Variants in NDST4 observed in about 807,000 individuals in gnomAD.
NDST4 encodes N-deacetylase and N-sulfotransferase 4.
NDST4 carries 63 observed loss-of-function variants against 100.8 expected under a neutral mutation model. The observed-to-expected ratio is 0.62, with a 90% CI of 0.51 to 0.77. The LOEUF (loss-of-function observed/expected upper bound fraction) is 0.77, where lower values mean the gene tolerates loss of function less well. NDST4 is among the 30% of genes least tolerant of loss of function. The pLI, the probability that NDST4 is intolerant of heterozygous loss-of-function variation, is 0.00. For synonymous variants in NDST4, 377 were observed against 361.8 expected (o/e 1.04, Z -0.48); for missense variants, 943 against 1,018.4 (o/e 0.93, Z 1.01).
intron 2 of NDST4, among the ~76,000 whole-genome samples, chr4:115,039,102 G>A (rs1053860593): frequency 2.6e-5 from 4 of 152,088 alleles, no homozygotes; most frequent in East Asian, 3.8e-4. Flanking sequence ...AAAACAATCC[G>A]GTGAGCAGGC....
chr4:114,881,722 G>T (rs977141524), intron 6 of NDST4, among the ~76,000 whole-genome samples: 1 of 152,046 alleles, frequency 6.6e-6, no homozygotes, highest in Non-Finnish European at 1.5e-5. Context: ...AAGTGCAGTG[G>T]CATAAGAGAC....
intron 4 of NDST4, among the ~76,000 whole-genome samples, chr4:114,964,074 ATCTG>A (rs1404584566): frequency 6.6e-6 from 1 of 152,130 alleles, no homozygotes; most frequent in African/African-American, 2.4e-5. Flanking sequence ...CTCTGAATCA[ATCTG>A]TCTCTTTTTC....
chr4:115,051,285 AT>A lies in NDST4; in HGVS notation c.978+24773del, dbSNP rs913397703. 1.3e-5 allele frequency among the ~76,000 whole-genome samples: 2 copies of A among 151,924 alleles called. 1 individual carries two copies. Among genetic ancestry groups the A allele is most frequent in the East Asian group, 3.9e-4 (2 of 5,164 alleles). On this transcript the variant is annotated intron_variant, in intron 2 of 13. Transcript: ENST00000264363. Reference sequence around the variant, plus strand: ...AAGGATAAACATCTGTAAATTTTACATTTTTTTATTTTGTTTTTTTTTATAG... The same window carrying A: ...AAGGATAAACATCTGTAAATTTTACATTTTTTATTTTGTTTTTTTTTATAG...
chr4:114,884,521 T>C (rs1724437416), intron 6 of NDST4, among the ~76,000 whole-genome samples: 1 of 152,154 alleles, frequency 6.6e-6, no homozygotes, highest in African/African-American at 2.4e-5. Flanking sequence ...CATGTTCTGA[T>C]AGTAGTTCTT....
chr4:114,926,144 T>A (rs1439435570), intron 6 of NDST4, among the ~76,000 whole-genome samples: 1 of 152,090 alleles, frequency 6.6e-6, no homozygotes, highest in Non-Finnish European at 1.5e-5. Context: ...ATGTTAGTAT[T>A]TGACAAGTGT....
intron 2 of NDST4, among the ~76,000 whole-genome samples, chr4:115,023,362 G>C (rs1160723851): frequency 6.6e-6 from 1 of 151,906 alleles, no homozygotes; most frequent in Non-Finnish European, 1.5e-5. Flanking sequence ...ATGCATGCCT[G>C]TAATCCCAGC....
intron 8 of NDST4, among the ~76,000 whole-genome samples, chr4:114,852,353 C>A (rs576746092): frequency 1.3e-5 from 2 of 151,972 alleles, no homozygotes; most frequent in Non-Finnish European, 2.9e-5. Context: ...TAGTTTGAAT[C>A]GGGCCAAAAC....
At chr4:115,023,579 AG>A (rs1450556993) in intron 2 of NDST4, among the ~76,000 whole-genome samples, 1 of 152,040 alleles carries the variant, frequency 6.6e-6, no homozygotes, top group African/African-American at 2.4e-5. Flanking sequence ...AATCACATAC[AG>A]TAAGATGCAA....
At chr4:115,102,812 G>A (rs1432148028) in intron 1 of NDST4, among the ~76,000 whole-genome samples, 2 of 142,854 alleles carry the variant, frequency 1.4e-5, no homozygotes, top group Admixed American at 7.5e-5. Flanking sequence ...GGGTTCAAGC[G>A]ATTCTTTTGC....
At chr4:115,007,619 G>A (rs1359625844) in intron 2 of NDST4, among the ~76,000 whole-genome samples, 1 of 67,394 alleles carries the variant, frequency 1.5e-5, no homozygotes, top group Non-Finnish European at 3.1e-5. Context: ...AGAGATAGAA[G>A]GACTGATGGA....
At chr4:115,041,743 C>CT (rs11418590) in intron 2 of NDST4, among the ~76,000 whole-genome samples, 14,291 of 152,040 alleles carry the variant, frequency 0.094, 2,059 homozygotes, top group African/African-American at 0.31. Context: ...CCTGACACAT[C>CT]ACATTACATA....
intron 4 of NDST4, among the ~76,000 whole-genome samples, chr4:114,947,683 T>C (rs992855536): frequency 2.0e-5 from 3 of 148,162 alleles, no homozygotes; most frequent in Non-Finnish European, 4.4e-5. Context: ...AAGAAGGTAC[T>C]TAAAATAATT....
At chr4:114,838,838 AAT>A (rs552717143) in intron 11 of NDST4, among the ~76,000 whole-genome samples, 130 of 152,078 alleles carry the variant, frequency 8.5e-4, no homozygotes, top group African/African-American at 2.6e-3. Context: ...TACAAAAAAA[AAT>A]ATATGGATGC....
intron 6 of NDST4, among the ~76,000 whole-genome samples, chr4:114,930,168 C>T (rs1157253516): frequency 2.0e-5 from 3 of 152,200 alleles, no homozygotes; most frequent in East Asian, 3.9e-4. Flanking sequence ...AAAATATATA[C>T]AAAAGGTGTT....
chr4:115,024,477 T>C (rs763023867), intron 2 of NDST4, among the ~76,000 whole-genome samples: 9 of 152,110 alleles, frequency 5.9e-5, no homozygotes, highest in Admixed American at 6.6e-5. Flanking sequence ...TACTTGGCAG[T>C]AGTTACCCAT....
At chr4:114,844,881 C>T (rs1235529135) in intron 10 of NDST4, among the ~76,000 whole-genome samples, 3 of 152,176 alleles carry the variant, frequency 2.0e-5, no homozygotes, top group East Asian at 1.9e-4. Context: ...AGGGGAATCA[C>T]ATCACTAAAA....
At chr4:115,078,571 G>A (rs527540094) in intron 1 of NDST4, among the ~76,000 whole-genome samples, 1 of 152,184 alleles carries the variant, frequency 6.6e-6, no homozygotes, top group South Asian at 2.1e-4. Flanking sequence ...AGGGTATCTG[G>A]TGGAAGAAAT....
intron 6 of NDST4, among the ~76,000 whole-genome samples, chr4:114,931,762 A>G (rs2126223818): frequency 6.6e-6 from 1 of 152,018 alleles, no homozygotes; most frequent in Admixed American, 6.5e-5. Flanking sequence ...ATAAATTCCC[A>G]GAAAGATACA....
intron 4 of NDST4, among the ~76,000 whole-genome samples, chr4:114,945,418 T>A (rs976973689): frequency 1.3e-5 from 2 of 152,086 alleles, no homozygotes; most frequent in African/African-American, 4.8e-5. Context: ...GAACTATGGC[T>A]TGTAAAACCA....
Sources: allele counts gnomAD v4.1 joint callset (sites outside exome capture counted in the v4.1 genomes callset), GRCh38; gene constraint gnomAD v4.1.1; transcripts MANE v1.5; gene names NCBI Gene and HGNC (gene_info 2026-07-23, HGNC 2026-07-21).